Variants in TRPM7 observed in about 807,000 individuals in gnomAD.
TRPM7 encodes LTRPC ion channel family member 7.
A neutral mutation model predicts 229.7 loss-of-function variants in TRPM7; 134 were observed. The observed-to-expected ratio is 0.58, with a 90% CI of 0.51 to 0.67. The LOEUF (loss-of-function observed/expected upper bound fraction) is 0.67, where lower values mean the gene tolerates loss of function less well. Among genes scored for constraint, TRPM7 ranks in the 30% least tolerant of loss-of-function variants. TRPM7 has a pLI of 0.00. For missense variants in TRPM7, 1,901 were observed against 2,210.0 expected, an observed-to-expected ratio of 0.86 and a Z score of 2.80; for synonymous variants, 699 against 715.2, an observed-to-expected ratio of 0.98 and a Z score of 0.36.
intron 3 of TRPM7, among the ~76,000 whole-genome samples, chr15:50,652,328 CAAAAAAAAAAA>C (rs34122648): frequency 1.5e-4 from 5 of 34,226 alleles, no homozygotes; most frequent in Admixed American, 1.0e-3. Context: ...GACTCCATCT[CAAAAAAAAAAA>C]AAAAAAAAAA....
At chr15:50,573,484 C>T (rs1188612269) in intron 36 of TRPM7, among the ~76,000 whole-genome samples, 1 of 152,146 alleles carries the variant, frequency 6.6e-6, no homozygotes, top group Non-Finnish European at 1.5e-5. Context: ...CCATTCCAGT[C>T]TTTTGAGGTG....
At chr15:50,614,029 T>C in intron 14 of TRPM7, 94 bp downstream of exon 14, 2 of 1,381,656 alleles carry the variant, frequency 1.4e-6, no homozygotes, top group African/African-American at 1.4e-5. Context: ...TATGACAGTG[T>C]AACCTTCTCC....
chr15:50,664,960 G>A (rs566015180), intron 1 of TRPM7, among the ~76,000 whole-genome samples: 1 of 152,160 alleles, frequency 6.6e-6, no homozygotes, highest in Non-Finnish European at 1.5e-5. Context: ...GCAAGACCCT[G>A]TCTTAAAAAT....
In TRPM7 at chr15:50,574,384, T is replaced by C. The variant is rs2054038113; in HGVS notation, c.5198A>G (p.Asn1733Ser). The C allele has an allele frequency of 6.2e-7, 1 of 1,613,952 alleles. No individual in the cohort carries two copies. Among genetic ancestry groups the C allele is most frequent in the Non-Finnish European group, 8.5e-7 (1 of 1,179,886 alleles). ...MTGEFRKYNN[N>S]NGDEIIPTNT... ...AGTTGGAATAATCTCATCTCCATTA[T>C]TATTGTTGTATTTTCTAAATTCTCC... is the stretch of plus-strand genomic sequence containing the variant. Residue 1733 changes from asparagine (N) to serine (S), a missense_variant, in exon 36 of 39, where the codon AAT (asparagine) becomes AGT (serine). Transcript: ENST00000646667.
At chr15:50,617,441 T>G (rs943170554) in intron 13 of TRPM7, among the ~76,000 whole-genome samples, 1 of 151,498 alleles carries the variant, frequency 6.6e-6, no homozygotes, top group Admixed American at 6.6e-5. Flanking sequence ...AGGCAGAGGT[T>G]GCAGTGAGCC....
chr15:50,567,920 C>G (rs2053677699), intron 38 of TRPM7, among the ~76,000 whole-genome samples: 2 of 150,208 alleles, frequency 1.3e-5, no homozygotes, highest in Admixed American at 6.6e-5. Context: ...ACTAAAAATA[C>G]AAAAAAAAAT....
intron 1 of TRPM7, among the ~76,000 whole-genome samples, chr15:50,681,796 C>T (rs769376765): frequency 1.3e-5 from 2 of 152,144 alleles, no homozygotes; most frequent in Non-Finnish European, 2.9e-5. Flanking sequence ...GAGGGGTAAA[C>T]AGTGTTTCAC....
At chr15:50,607,707 CAT>C (rs147194736) in intron 19 of TRPM7, among the ~76,000 whole-genome samples, 4,476 of 152,090 alleles carry the variant, frequency 0.029, 228 homozygotes, top group Admixed American at 0.14. Flanking sequence ...TCAAGGAACA[CAT>C]GTTTCCTGCC....
At position 50,599,261 on chromosome 15, in the gene TRPM7, A is replaced by G. The variant is rs182816603; in HGVS notation, c.3024T>C (p.Ala1008=). The G allele has an allele frequency of 9.9e-6, 16 of 1,612,998 alleles. No individual in the cohort carries two copies. The highest frequency in any genetic ancestry group is 2.2e-5 in the East Asian group (1 of 44,788). ...ANMFYIVVIM[A]LVLLSFGVPR... ...GAACACCAAAACTAAGTAATACAAG[A>G]GCCATAATCACTACAATGTAGAACA... The change falls in exon 22 of 39, where the codon GCT becomes GCC. Residue 1008 remains alanine (A), a synonymous_variant. Transcript: ENST00000646667.
intron 13 of TRPM7, among the ~76,000 whole-genome samples, chr15:50,619,423 T>C (rs781455499): frequency 6.6e-6 from 1 of 152,070 alleles, no homozygotes; most frequent in African/African-American, 2.4e-5. Flanking sequence ...GATTTCAGCA[T>C]GCTGCCCAGG....
Position 50,648,688 on chromosome 15 carries a change from T to G in TRPM7, c.320A>C (p.Lys107Thr). The G allele has an allele frequency of 6.2e-7, 1 of 1,604,220 alleles. No homozygotes were observed. Among genetic ancestry groups the G allele is most frequent in the Non-Finnish European group, 8.5e-7 (1 of 1,174,932 alleles). ...FQGGSHSYRA[K>T]YVRLSYDTKP... ...AGAAAAATCCAATATGTGACATACC[T>G]TAGCTCTGTAGGAATGAGAACCCCC... Residue 107 changes from lysine (K) to threonine (T), a missense_variant and splice_region_variant, in exon 4 of 39, where the codon AAG (lysine) becomes ACG (threonine). Physicochemically the swap from Lys to Thr is moderately conservative, Grantham distance 78 (BLOSUM62 -1). This residue lies in a region of TRPM7 where 794 missense variants were observed against 881.9 expected (regional missense o/e 0.90). Coordinates refer to ENST00000646667, the MANE Select transcript of TRPM7 (RefSeq NM_017672.6).
Position 50,576,765 on chromosome 15 carries a change from C to T in TRPM7, c.4619-846G>A, listed in dbSNP as rs1412176038. ...GACTACAAATTAATGGGCAAGAGTA[C>T]AGGGATAACTGCAGGAGGTGAAGCT... On this transcript the variant is annotated intron_variant, in intron 31 of 38. Coordinates refer to ENST00000646667, the MANE Select transcript of TRPM7 (RefSeq NM_017672.6). 3.3e-5 allele frequency among the ~76,000 whole-genome samples: 5 copies of T among 152,060 alleles called. No homozygotes were observed. The East Asian group carries it at 9.6e-4, about 29-fold the overall frequency.
At chr15:50,594,350 A>G (rs1365094267) in intron 24 of TRPM7, 79 bp downstream of exon 24, 2 of 1,306,924 alleles carry the variant, frequency 1.5e-6, no homozygotes, top group African/African-American at 1.5e-5. Flanking sequence ...TCATTTTTGA[A>G]TAAAATCAAT....
intron 13 of TRPM7, among the ~76,000 whole-genome samples, chr15:50,617,438 G>A (rs2060258827): frequency 6.6e-6 from 1 of 151,754 alleles, no homozygotes; most frequent in Admixed American, 6.6e-5. Context: ...AGGAGGCAGA[G>A]GTTGCAGTGA....
chr15:50,643,650 T>C, intron 4 of TRPM7, 97 bp from the exon 5 acceptor site: 3 of 872,902 alleles, frequency 3.4e-6, no homozygotes, highest in South Asian at 3.3e-5. Flanking sequence ...ATGAATCAGA[T>C]TATGTAAAAA....
intron 13 of TRPM7, among the ~76,000 whole-genome samples, chr15:50,618,564 C>T (rs979462221): frequency 3.6e-5 from 5 of 138,402 alleles, no homozygotes; most frequent in African/African-American, 5.5e-5. Flanking sequence ...AGCAAGATTC[C>T]GTCTCAATAA....
In TRPM7 at chr15:50,625,012, A is replaced by AT. The variant is rs1390310866; in HGVS notation, c.1306-713dup. On this transcript the variant is annotated intron_variant, in intron 11 of 38. Coordinates refer to ENST00000646667, the MANE Select transcript of TRPM7 (RefSeq NM_017672.6). ...TTTGTGCTTAATATAACACATCTGT[A>AT]TCATTCAGCATTTGTAGCTGTCCTT... 4.6e-4 allele frequency among the ~76,000 whole-genome samples: 70 copies of AT among 152,332 alleles called. 1 individual carries two copies. The highest frequency in any genetic ancestry group is 1.6e-3 in the African/African-American group (66 of 41,572).
intron 1 of TRPM7, among the ~76,000 whole-genome samples, chr15:50,675,218 C>T (rs1421824867): frequency 6.6e-6 from 1 of 152,066 alleles, no homozygotes; most frequent in African/African-American, 2.4e-5. Flanking sequence ...TGGCGGGCAC[C>T]TGTAACCTCA....
intron 2 of TRPM7, among the ~76,000 whole-genome samples, chr15:50,662,592 T>C (rs991909553): frequency 6.6e-6 from 1 of 152,200 alleles, no homozygotes; most frequent in African/African-American, 2.4e-5. Context: ...AACCATAGTG[T>C]TGGATACCCA....
Sources: allele counts gnomAD v4.1 joint callset (sites outside exome capture counted in the v4.1 genomes callset), GRCh38; gene constraint gnomAD v4.1.1; regional missense constraint gnomAD v4.1.1; transcripts MANE v1.5; gene names NCBI Gene and HGNC (gene_info 2026-07-23, HGNC 2026-07-21).